Variants in HEATR1 observed in about 807,000 individuals in gnomAD.
The protein encoded by HEATR1 is HEAT repeat-containing protein 1.
Under a neutral mutation model 248.2 loss-of-function variants are expected in HEATR1, and 77 were observed. The ratio of observed to expected loss-of-function variants is 0.31; its 90% confidence interval spans 0.26 to 0.37. The LOEUF (loss-of-function observed/expected upper bound fraction) is 0.37, where lower values mean the gene tolerates loss of function less well. HEATR1 is among the 10% of genes least tolerant of loss of function. The probability of loss-of-function intolerance (pLI) is 1.00; values close to 1 mark genes in which losing one functional copy is unlikely to be tolerated. For synonymous variants in HEATR1, 897 were observed against 923.1 expected, an observed-to-expected ratio of 0.97 and a Z score of 0.51; for missense variants, 2,420 against 2,504.9, an observed-to-expected ratio of 0.97 and a Z score of 0.72.
intron 6 of HEATR1, 38 bp from the exon 7 acceptor site, chr1:236,596,082 A>ATGGTT: frequency 2.1e-6 from 3 of 1,434,262 alleles, no homozygotes; most frequent in Non-Finnish European, 2.9e-6. Context: ...ATGATAAACC[A>ATGGTT]TATTATTTTC....
Position 236,585,852 on chromosome 1 carries a change from T to A in HEATR1, c.2017A>T (p.Asn673Tyr), listed in dbSNP as rs1663871087. The A allele has an allele frequency of 1.2e-6, 2 of 1,612,878 alleles. No homozygotes were observed. Among genetic ancestry groups the A allele is most frequent in the African/African-American group, 2.7e-5 (2 of 74,900 alleles). The change falls in exon 16 of 45, where the codon AAT (asparagine) becomes TAT (tyrosine). Residue 673 changes from asparagine to tyrosine, a missense_variant. Physicochemically the swap from Asn to Tyr is moderately radical, Grantham distance 143 (BLOSUM62 -2). Coordinates refer to ENST00000366582, the MANE Select transcript of HEATR1 (RefSeq NM_018072.6). ...AACATTGAAGAAGGATCTCCTAAAT[T>A]TATATTATCAGCCAACAACTCAATC... ...KMIELLADNI[N>Y]LGDPSSMLKM...
At chr1:236,569,634 C>A (rs1280023731) in intron 28 of HEATR1, among the ~76,000 whole-genome samples, 1 of 152,108 alleles carries the variant, frequency 6.6e-6, no homozygotes, top group Non-Finnish European at 1.5e-5. Flanking sequence ...AAGACAGTAA[C>A]AAGTACTGGC....
rs779030571 is a variant in HEATR1 at position 236,604,120 on chromosome 1, G to A, written c.-25C>T. 3 of 1,541,642 alleles carry A rather than the reference G, an allele frequency of 1.9e-6. No individual in the cohort carries two copies. Among genetic ancestry groups the A allele is most frequent in the African/African-American group, 2.8e-5 (2 of 70,580 alleles). Reference sequence around the variant, plus strand: ...TCTTTCACGCCAGCGGAGTTTTAATGACACGGGCTAAAAAAACGTAAGCAC... The same window carrying A: ...TCTTTCACGCCAGCGGAGTTTTAATAACACGGGCTAAAAAAACGTAAGCAC... On this transcript the variant is annotated 5_prime_UTR_variant, in exon 2 of 45. Coordinates refer to ENST00000366582, the MANE Select transcript of HEATR1 (RefSeq NM_018072.6).
intron 9 of HEATR1, among the ~76,000 whole-genome samples, 184 bp downstream of exon 9, chr1:236,593,828 A>C (rs1483107002): frequency 6.6e-6 from 1 of 152,200 alleles, no homozygotes; most frequent in Non-Finnish European, 1.5e-5. Context: ...AAAGACATGC[A>C]AGAAAAATTA....
intron 12 of HEATR1, among the ~76,000 whole-genome samples, chr1:236,589,078 C>T (rs544223821): frequency 3.8e-4 from 58 of 152,170 alleles, no homozygotes; most frequent in Non-Finnish European, 3.1e-4. Context: ...ACTGCAATTA[C>T]AATCCTCAAG....
At chr1:236,589,589 T>A (rs1452604717) in intron 12 of HEATR1, among the ~76,000 whole-genome samples, 2 of 152,212 alleles carry the variant, frequency 1.3e-5, no homozygotes, top group Non-Finnish European at 2.9e-5. Flanking sequence ...TAGTTGTAAT[T>A]AGCTGAAATT....
rs775135446 is a variant in HEATR1, at chr1:236,596,899, C to T, written c.681G>A (p.Ala227=). The T allele has an allele frequency of 1.2e-5, 19 of 1,613,946 alleles. No individual in the cohort carries two copies. The highest frequency in any genetic ancestry group is 1.5e-5 in the Non-Finnish European group (18 of 1,179,974). ...LAFYASTIVS[A]LVAAEDVSDN... is the part of the protein sequence containing the mutation. ...CTGATACGTCCTCTGCAGCTACCAG[C>T]GCCGACACTATGGTAGAAGCATAGA... is the stretch of plus-strand genomic sequence containing the variant. The change falls in exon 6 of 45, where the codon GCG becomes GCA. Residue 227 remains alanine (A), a synonymous_variant. Transcript: ENST00000366582.
In HEATR1 at chr1:236,551,003, A is replaced by AAAAAAAAAAAC; in HGVS notation, c.6347-14_6347-13insGTTTTTTTTTT. ...TCTTCACATTCATCTAAAAAAAAAA[A>AAAAAAAAAAAC]AAAAAAATCAAAATTAAAATCTGAG... On this transcript the variant is annotated splice_polypyrimidine_tract_variant and intron_variant, in intron 44 of 44. Transcript: ENST00000366582. The AAAAAAAAAAAC allele has an allele frequency of 6.4e-7, 1 of 1,558,882 alleles. No homozygotes were observed. Among genetic ancestry groups the AAAAAAAAAAAC allele is most frequent in the Non-Finnish European group, 8.7e-7 (1 of 1,150,688 alleles).
Position 236,564,395 on chromosome 1 carries a change from C to T in HEATR1, c.4599+103G>A, listed in dbSNP as rs1207456727. ...TTCTATTATCTTTAAAGGCGTGCCT[C>T]CCATTTTCATGAGCCATTTACCAAG... On this transcript the variant is annotated intron_variant, in intron 32 of 44. Transcript: ENST00000366582. The T allele has an allele frequency of 3.1e-6, 3 of 962,334 alleles. No homozygotes were observed. In the African/African-American group the frequency reaches 5.0e-5, roughly 16 times the overall value. The allele number at this position is 962,334 out of a possible 1,614,324, so 59.6% of individuals were successfully genotyped here.
chr1:236,576,886 T>A lies in HEATR1; in HGVS notation c.2819A>T (p.Gln940Leu), dbSNP rs1040389283. The A allele has an allele frequency of 1.2e-6, 2 of 1,613,794 alleles. No individual in the cohort carries two copies. The highest frequency in any genetic ancestry group is 2.7e-5 in the African/African-American group (2 of 74,920). The change falls in exon 21 of 45, where the codon CAG (glutamine) becomes CTG (leucine). Residue 940 changes from glutamine to leucine, a missense_variant. By Grantham distance (113) the Gln-to-Leu change is moderately radical. Transcript: ENST00000366582. ...CACTCCACTGAGGGCCTGGAGACAC[T>A]GAATGGCAGCCCTACGAACTTCTTT... is the stretch of plus-strand genomic sequence containing the variant. ...PVKEVRRAAI[Q>L]CLQALSGVAS...
chr1:236,573,085 A>G (rs1197021710), intron 24 of HEATR1, among the ~76,000 whole-genome samples: 1 of 152,188 alleles, frequency 6.6e-6, no homozygotes, highest in African/African-American at 2.4e-5. Context: ...TCAGATTTTC[A>G]TTTTAACCAA....
chr1:236,568,005 GAATA>G (rs1402478702), intron 29 of HEATR1, among the ~76,000 whole-genome samples: 2 of 152,206 alleles, frequency 1.3e-5, no homozygotes, highest in Non-Finnish European at 2.9e-5. Context: ...TTGAATGAAT[GAATA>G]AACCAATGTC....
At chr1:236,603,717 T>G (rs1664389564) in intron 2 of HEATR1, among the ~76,000 whole-genome samples, 1 of 151,864 alleles carries the variant, frequency 6.6e-6, no homozygotes, top group Non-Finnish European at 1.5e-5. Flanking sequence ...ACATATTAGT[T>G]GACCTCTCTA....
intron 13 of HEATR1, 69 bp from the exon 14 acceptor site, chr1:236,587,559 GAATTTTAA>G (rs995183891): frequency 1.6e-6 from 1 of 610,074 alleles, no homozygotes. Flanking sequence ...TTTTAAATGC[GAATTTTAA>G]AAAGAATGAA....
intron 16 of HEATR1, 47 bp downstream of exon 16, chr1:236,585,773 G>C (rs1319254861): frequency 2.0e-5 from 31 of 1,585,382 alleles, no homozygotes; most frequent in Non-Finnish European, 2.6e-5. Flanking sequence ...AATTTAATAA[G>C]AGTATGAGAA....
intron 31 of HEATR1, 23 bp from the exon 32 acceptor site, chr1:236,564,684 G>C: frequency 6.3e-7 from 1 of 1,597,636 alleles, no homozygotes; most frequent in Non-Finnish European, 8.5e-7. Context: ...TAAAACAAGT[G>C]ACCTTACTCA....
At chr1:236,578,888 G>A (rs16833963) in intron 20 of HEATR1, among the ~76,000 whole-genome samples, 3 of 151,930 alleles carry the variant, frequency 2.0e-5, no homozygotes, top group Admixed American at 6.6e-5. Context: ...GACCAACTGC[G>A]CTAGGGTTTT....
At chr1:236,551,376 A>C in intron 44 of HEATR1, 1 of 176,770 alleles carries the variant, frequency 5.7e-6, no homozygotes, top group East Asian at 1.5e-4. Context: ...TCCCTTAATA[A>C]TAACATTTAC....
At chr1:236,562,933 T>A (rs1572035281) in intron 32 of HEATR1, among the ~76,000 whole-genome samples, 1 of 46,730 alleles carries the variant, frequency 2.1e-5, no homozygotes, top group Non-Finnish European at 1.2e-4. Context: ...AATAACAATA[T>A]TATATAACAG....
Sources: gnomAD v4.1 joint callset for allele counts (sites outside exome capture counted in the v4.1 genomes callset) on GRCh38, gnomAD v4.1.1 for gene constraint, MANE v1.5 for transcripts, NCBI Gene and HGNC (gene_info 2026-07-23, HGNC 2026-07-21) for gene names.